The following RAP1A variants were observed in gnomAD, a reference collection of about 807,000 sequenced individuals.
RAP1A encodes the protein ras-related protein Rap-1A.
In RAP1A, 6 loss-of-function variants were observed where a neutral mutation model predicts 26.4. The ratio of observed to expected loss-of-function variants is 0.23; its 90% confidence interval spans 0.12 to 0.45. The LOEUF (loss-of-function observed/expected upper bound fraction) is 0.45, where lower values mean the gene tolerates loss of function less well. RAP1A is among the 20% of genes least tolerant of loss of function. RAP1A has a pLI of 0.99. For synonymous variants in RAP1A, 73 were observed against 79.4 expected, an observed-to-expected ratio of 0.92 and a Z score of 0.43; for missense variants, 121 against 217.2, an observed-to-expected ratio of 0.56 and a Z score of 2.78.
At chr1:111,670,492 A>T (rs552463237) in intron 1 of RAP1A, among the ~76,000 whole-genome samples, 9 of 152,286 alleles carry the variant, frequency 5.9e-5, no homozygotes, top group African/African-American at 2.2e-4. Flanking sequence ...CAAACAAAAA[A>T]ACCAAAAATG....
rs1473729937 is a variant in RAP1A, at chr1:111,712,892, A to T, written c.*491A>T. 6.6e-6 allele frequency: 1 copy of T among 152,466 alleles called. No individual in the cohort carries two copies. The highest frequency in any genetic ancestry group is 6.5e-5 in the Admixed American group (1 of 15,280). The allele number at this position is 152,466 out of a possible 1,614,324, so 9.4% of individuals were successfully genotyped here. ...GAGTCATTGACTTCATTTTATATTT[A>T]AAAAATTATGGAATATCATCTGTCA... On this transcript the variant is annotated 3_prime_UTR_variant, in exon 8 of 8. Coordinates refer to ENST00000369709, the MANE Select transcript of RAP1A (RefSeq NM_002884.4).
rs1656926970 is a variant in RAP1A at position 111,543,628 on chromosome 1, AGG to A, written c.-28+1120_-28+1121del. 1.7e-3 allele frequency among the ~76,000 whole-genome samples: 4 copies of A among 2,320 alleles called. No homozygotes were observed. The South Asian group carries it at 0.083, about 48-fold the overall frequency. The allele number at this position is 2,320 out of a possible 152,430, so 1.5% of individuals were successfully genotyped here. A position where few individuals can be genotyped will look rare whatever the true frequency, so the allele number is the denominator to read the frequency against. ...GAGGAGGAGGAAGAGAAGGAGGAAT[AGG>A]AGGAGGAAGAGAAGGAGGAATAGGA... On this transcript the variant is annotated intron_variant, in intron 1 of 7. Coordinates refer to the RAP1A transcript ENST00000356415.
At position 111,675,337 on chromosome 1, in the gene RAP1A, T is replaced by C. The variant is rs544147590; in HGVS notation, c.-27-15997T>C. Among the ~76,000 whole-genome samples the C allele has an allele frequency of 1.4e-3, 208 of 152,108 alleles. 1 individual carries two copies. Among genetic ancestry groups the C allele is most frequent in the South Asian group, 2.5e-3 (12 of 4,804 alleles). ...TCTACAAAAAATTAGCCAGGTGTGG[T>C]GGCGGGCACCTGTAGTCTCAGCTAC... On this transcript the variant is annotated intron_variant, in intron 1 of 7. Coordinates refer to ENST00000369709, the MANE Select transcript of RAP1A (RefSeq NM_002884.4).
chr1:111,661,120 G>A (rs1346513227), intron 1 of RAP1A, among the ~76,000 whole-genome samples: 1 of 152,198 alleles, frequency 6.6e-6, no homozygotes, highest in East Asian at 1.9e-4. Flanking sequence ...AGGGAGCACT[G>A]TTGTGAAATA....
chr1:111,666,299 G>GTATT (rs1229535270), intron 1 of RAP1A, among the ~76,000 whole-genome samples: 1 of 151,992 alleles, frequency 6.6e-6, no homozygotes, highest in Non-Finnish European at 1.5e-5. Context: ...CTCAAATTAA[G>GTATT]TATTTATACT....
At chr1:111,638,006 A>G (rs1659773941) in intron 1 of RAP1A, among the ~76,000 whole-genome samples, 1 of 151,988 alleles carries the variant, frequency 6.6e-6, no homozygotes, top group Non-Finnish European at 1.5e-5. Context: ...GACAGCCACC[A>G]TCAAAATCAA....
At chr1:111,638,693 T>C (rs1012282519) in intron 1 of RAP1A, among the ~76,000 whole-genome samples, 2 of 152,212 alleles carry the variant, frequency 1.3e-5, no homozygotes, top group African/African-American at 4.8e-5. Context: ...CCCAAAGTTC[T>C]GGGATTATAG....
At chr1:111,632,296 T>C (rs889468391) in intron 1 of RAP1A, among the ~76,000 whole-genome samples, 83 of 152,204 alleles carry the variant, frequency 5.5e-4, no homozygotes, top group African/African-American at 1.9e-3. Context: ...ACCCTGTGTT[T>C]ATAAAGTTTC....
intron 1 of RAP1A, among the ~76,000 whole-genome samples, chr1:111,583,089 G>A (rs937986634): frequency 4.6e-5 from 7 of 151,998 alleles, no homozygotes; most frequent in African/African-American, 4.8e-5. Context: ...CTGTATTTCC[G>A]GATCACAGAG....
rs575492406 is a variant in RAP1A, at chr1:111,596,605, T to G, written c.-28+54096T>G. ...GCTGCTATAACAGAATGCCATAGAGTGGGTAGCTTATGAACATCAGAAATT... is the reference window on the plus strand; with the variant it reads ...GCTGCTATAACAGAATGCCATAGAGGGGGTAGCTTATGAACATCAGAAATT... On this transcript the variant is annotated intron_variant, in intron 1 of 7. Transcript: ENST00000356415. 4.6e-5 allele frequency among the ~76,000 whole-genome samples: 7 copies of G among 152,074 alleles called. No individual in the cohort carries two copies. In the South Asian group the frequency reaches 6.2e-4, roughly 13 times the overall value.
At position 111,632,135 on chromosome 1, in the gene RAP1A, T is replaced by C. The variant is rs904647641; in HGVS notation, c.-28+12201T>C. Among the ~76,000 whole-genome samples the C allele has an allele frequency of 2.0e-5, 3 of 152,120 alleles. No individual in the cohort carries two copies. In the East Asian group the frequency reaches 5.8e-4, roughly 29 times the overall value. On this transcript the variant is annotated intron_variant, in intron 1 of 7. Transcript: ENST00000369709. The stretch of plus-strand genomic sequence containing the variant: ...TGGTGGCATGTGTTTGTTTCTGTCT[T>C]CTATTAGAATATCAAAGTGTGTGAT...
chr1:111,592,717 C>T (rs1267312662), intron 1 of RAP1A, among the ~76,000 whole-genome samples: 1 of 152,134 alleles, frequency 6.6e-6, no homozygotes, highest in Non-Finnish European at 1.5e-5. Context: ...GTTTCCTTCC[C>T]GTTGTTGCTT....
rs535916175 is a variant in RAP1A at position 111,586,695 on chromosome 1, C to T, written c.-28+44186C>T. Among the ~76,000 whole-genome samples, 10 of 152,244 alleles carry T rather than the reference C, an allele frequency of 6.6e-5. 1 individual carries two copies. The highest frequency in any genetic ancestry group is 3.9e-4 in the East Asian group (2 of 5,178). ...TGAGAGAGGAGTGGCATATAGCAAG[C>T]GTTCCCTAAATATTTGCAGGTTGTT... On this transcript the variant is annotated intron_variant, in intron 1 of 7. Coordinates refer to the RAP1A transcript ENST00000356415.
intron 1 of RAP1A, among the ~76,000 whole-genome samples, chr1:111,610,855 C>T (rs1319850233): frequency 6.6e-6 from 1 of 152,134 alleles, no homozygotes; most frequent in Non-Finnish European, 1.5e-5. Flanking sequence ...TCTATTGTCC[C>T]TCATATTATC....
intron 4 of RAP1A, 143 bp from the exon 5 acceptor site, chr1:111,703,193 A>G (rs1662076624): frequency 1.0e-5 from 5 of 502,364 alleles, no homozygotes; most frequent in Non-Finnish European, 1.6e-5. Context: ...CTCAGTTGCT[A>G]GAAACTTGTG....
intron 1 of RAP1A, among the ~76,000 whole-genome samples, chr1:111,643,342 C>G (rs1659952354): frequency 6.6e-6 from 1 of 152,180 alleles, no homozygotes; most frequent in African/African-American, 2.4e-5. Flanking sequence ...GTAAACAAAC[C>G]TGCACATTCT....
chr1:111,684,476 C>A (rs1352143958), intron 1 of RAP1A, among the ~76,000 whole-genome samples: 2 of 152,156 alleles, frequency 1.3e-5, no homozygotes, highest in African/African-American at 4.8e-5. Flanking sequence ...GTGCAAAAAT[C>A]ACAAACATTC....
intron 1 of RAP1A, among the ~76,000 whole-genome samples, chr1:111,560,501 T>C (rs1657691271): frequency 1.3e-5 from 2 of 151,714 alleles, no homozygotes; most frequent in South Asian, 2.1e-4. Context: ...ATGTTTTACT[T>C]ATTAATTAGA....
intron 4 of RAP1A, among the ~76,000 whole-genome samples, chr1:111,697,803 T>C (rs1050178247): frequency 6.6e-6 from 1 of 152,192 alleles, no homozygotes; most frequent in Non-Finnish European, 1.5e-5. Context: ...TTTGTATTTC[T>C]ATGGGTTTAA....
Sources: allele counts gnomAD v4.1 joint callset (sites outside exome capture counted in the v4.1 genomes callset), GRCh38; gene constraint gnomAD v4.1.1; transcripts MANE v1.5; gene names NCBI Gene and HGNC (gene_info 2026-07-23, HGNC 2026-07-21).